The following GABRB3 variants were observed in gnomAD, a reference collection of about 807,000 sequenced individuals.
GABRB3 encodes gamma-aminobutyric acid type A receptor subunit beta3.
A neutral mutation model predicts 52.1 loss-of-function variants in GABRB3; 14 were observed. The ratio of observed to expected loss-of-function variants is 0.27; its 90% CI spans 0.18 to 0.42. GABRB3 has a LOEUF of 0.42. GABRB3 is among the 10% of genes least tolerant of loss of function. GABRB3 has a pLI of 1.00. For missense variants in GABRB3, 307 were observed against 609.1 expected (o/e 0.50, Z 5.22); for synonymous variants, 260 against 232.3 (o/e 1.12, Z -1.08).
At position 26,601,536 on chromosome 15, in the gene GABRB3, T is replaced by C. The variant is rs80257706; in HGVS notation, c.462-18122A>G. On this transcript the variant is annotated intron_variant, in intron 4 of 8. Transcript: ENST00000311550. ...AATAACCAGAAAATAACTAACATGA[T>C]GATGGTAGTAAGATCTTACCTATCA... Among the ~76,000 whole-genome samples, 286 of 152,220 alleles carry C rather than the reference T, an allele frequency of 1.9e-3. 6 individuals are homozygous for C. In the East Asian group the frequency reaches 0.037, roughly 19 times the overall value.
At chr15:26,751,600 TA>T (rs1455759396) in intron 3 of GABRB3, among the ~76,000 whole-genome samples, 1 of 151,852 alleles carries the variant, frequency 6.6e-6, no homozygotes, top group Non-Finnish European at 1.5e-5. Context: ...AAAGCACCCT[TA>T]AAAAAATCAA....
intron 8 of GABRB3, among the ~76,000 whole-genome samples, chr15:26,551,444 T>C (rs192271499): frequency 1.7e-4 from 26 of 152,328 alleles, no homozygotes; most frequent in Admixed American, 3.9e-4. Context: ...AGGTTTTCCT[T>C]AAGCCTCGAG....
At chr15:26,742,730 G>A (rs1029388323) in intron 3 of GABRB3, among the ~76,000 whole-genome samples, 1 of 152,056 alleles carries the variant, frequency 6.6e-6, no homozygotes, top group Non-Finnish European at 1.5e-5. Flanking sequence ...AATGCTTAAG[G>A]AAAGTCCTGT....
In GABRB3 at chr15:26,609,083, TACAC is replaced by T. The variant is rs146501591; in HGVS notation, c.461+12227_461+12230del. Among the ~76,000 whole-genome samples, 1,238 of 143,608 alleles carry T rather than the reference TACAC, an allele frequency of 8.6e-3. 19 individuals carry two copies. The highest frequency in any genetic ancestry group is 0.03 in the African/African-American group (1,174 of 38,570). The allele number at this position is 143,608 out of a possible 152,430, so 94.2% of individuals were successfully genotyped here. Reference sequence around the variant, plus strand: ...ACAGATAAATTGATTTTTTTAATGATACACACACACACACACACATACACACACA... The same window carrying T: ...ACAGATAAATTGATTTTTTTAATGATACACACACACACACATACACACACA... On this transcript the variant is annotated intron_variant, in intron 4 of 8. Coordinates refer to ENST00000311550, the MANE Select transcript of GABRB3 (RefSeq NM_000814.6).
chr15:26,705,722 G>C (rs1041056185), intron 3 of GABRB3, among the ~76,000 whole-genome samples: 1 of 152,222 alleles, frequency 6.6e-6, no homozygotes, highest in African/African-American at 2.4e-5. Flanking sequence ...GGACACGAGA[G>C]AGGAAGGAAT....
At position 26,753,142 on chromosome 15, in the gene GABRB3, C is replaced by A. The variant is rs1036524113; in HGVS notation, c.240+19260G>T. 3.3e-5 allele frequency among the ~76,000 whole-genome samples: 5 copies of A among 152,278 alleles called. No individual in the cohort carries two copies. In the East Asian group the frequency reaches 9.7e-4, roughly 29 times the overall value. On this transcript the variant is annotated intron_variant, in intron 3 of 8. Transcript: ENST00000311550. ...GCTGCCCCAGGCACTGAGGGCTGCC[C>A]GGATGTCCACAGGCACTTTCCCCAG... is the stretch of plus-strand genomic sequence containing the variant.
intron 4 of GABRB3, among the ~76,000 whole-genome samples, chr15:26,601,179 T>C (rs558753157): frequency 6.6e-6 from 1 of 152,258 alleles, no homozygotes; most frequent in South Asian, 2.1e-4. Flanking sequence ...AGCCCAGCAC[T>C]TTGGGAGGCC....
chr15:26,626,271 A>G (rs1892688432), intron 3 of GABRB3, among the ~76,000 whole-genome samples: 1 of 152,070 alleles, frequency 6.6e-6, no homozygotes. Context: ...TGATCTACCA[A>G]CTGACCCTTA....
At chr15:26,624,842 G>A (rs772229080) in intron 3 of GABRB3, 50 of 985,314 alleles carry the variant, frequency 5.1e-5, no homozygotes, top group Non-Finnish European at 5.9e-5. Context: ...AGTAGCAAAT[G>A]CAGGGTTTTC....
intron 3 of GABRB3, among the ~76,000 whole-genome samples, chr15:26,660,135 C>T: frequency 6.6e-6 from 1 of 151,662 alleles, no homozygotes; most frequent in East Asian, 1.9e-4. Context: ...GAGTCTGAGG[C>T]AGGAGAATTG....
chr15:26,738,210 G>A (rs1890115332), intron 3 of GABRB3, among the ~76,000 whole-genome samples: 2 of 152,000 alleles, frequency 1.3e-5, no homozygotes, highest in South Asian at 4.2e-4. Flanking sequence ...AGCCTCCCAC[G>A]TAGCTGGGAC....
At chr15:26,578,834 C>T (rs766669199) in intron 6 of GABRB3, among the ~76,000 whole-genome samples, 1 of 152,194 alleles carries the variant, frequency 6.6e-6, no homozygotes, top group Non-Finnish European at 1.5e-5. Context: ...AGTAACATAT[C>T]ATTTTTTTCA....
At chr15:26,693,199 AG>A (rs1213732054) in intron 3 of GABRB3, among the ~76,000 whole-genome samples, 3 of 152,204 alleles carry the variant, frequency 2.0e-5, no homozygotes, top group Non-Finnish European at 2.9e-5. Flanking sequence ...GACAAGAATC[AG>A]GTGAAGAATA....
intron 3 of GABRB3, among the ~76,000 whole-genome samples, chr15:26,741,508 C>T (rs559950239): frequency 2.0e-5 from 3 of 152,308 alleles, no homozygotes; most frequent in South Asian, 2.1e-4. Flanking sequence ...TGGTCACTTC[C>T]GGTTTATATA....
chr15:26,677,038 C>T (rs1444226771), intron 3 of GABRB3, among the ~76,000 whole-genome samples: 1 of 152,178 alleles, frequency 6.6e-6, no homozygotes, highest in Non-Finnish European at 1.5e-5. Flanking sequence ...AAGAACTCTT[C>T]CATGATTGAA....
Position 26,543,707 on chromosome 15 carries a change from A to C in GABRB3, c.*4086T>G, listed in dbSNP as rs1468317443. 2 of 152,652 alleles carry C rather than the reference A, an allele frequency of 1.3e-5. No individual in the cohort carries two copies. The highest frequency in any genetic ancestry group is 2.9e-5 in the Non-Finnish European group (2 of 68,042). 9.5% of individuals were successfully genotyped at this position (152,652 alleles called of 1,614,324 possible). A position where few individuals can be genotyped will look rare whatever the true frequency, so the allele number is the denominator to read the frequency against. On this transcript the variant is annotated 3_prime_UTR_variant, in exon 9 of 9. Coordinates refer to ENST00000311550, the MANE Select transcript of GABRB3 (RefSeq NM_000814.6). ...TGGGTTTAAATTTATCTTTACAATAAAATGAAATCAACATGAGAATTGATT... is the reference window on the plus strand; with the variant it reads ...TGGGTTTAAATTTATCTTTACAATACAATGAAATCAACATGAGAATTGATT...
intron 3 of GABRB3, among the ~76,000 whole-genome samples, chr15:26,771,659 G>A (rs977202174): frequency 6.6e-6 from 1 of 152,150 alleles, no homozygotes; most frequent in African/African-American, 2.4e-5. Context: ...CGCACCTCGG[G>A]GTACTGACCT....
chr15:26,592,606 C>T (rs1434795207), intron 4 of GABRB3, among the ~76,000 whole-genome samples: 1 of 152,100 alleles, frequency 6.6e-6, no homozygotes, highest in East Asian at 1.9e-4. Context: ...GAGATGAATG[C>T]AAGAAATCCT....
rs551678529 is a variant in GABRB3 at position 26,571,666 on chromosome 15, G to A, written c.683-3933C>T. Among the ~76,000 whole-genome samples, 388 of 152,178 alleles carry A rather than the reference G, an allele frequency of 2.5e-3. 1 individual carries two copies. Among genetic ancestry groups the A allele is most frequent in the African/African-American group, 8.8e-3 (367 of 41,522 alleles). ...TTAGGGACCTTGAAGAAGAGAATAC[G>A]AAACTGATTTCAAAAACACATTACT... On this transcript the variant is annotated intron_variant, in intron 6 of 8. Transcript: ENST00000311550.
Sources: allele counts gnomAD v4.1 joint callset (sites outside exome capture counted in the v4.1 genomes callset), GRCh38; gene constraint gnomAD v4.1.1; transcripts MANE v1.5; gene names NCBI Gene and HGNC (gene_info 2026-07-23, HGNC 2026-07-21).